The following GOLM2 variants were observed in gnomAD, a reference collection of about 807,000 sequenced individuals.
The protein encoded by GOLM2 is protein GOLM2.
A neutral mutation model predicts 55.9 loss-of-function variants in GOLM2; 26 were observed. That is an observed-to-expected ratio of 0.47 (90% CI 0.34 to 0.65). The LOEUF (loss-of-function observed/expected upper bound fraction) is 0.65, where lower values mean the gene tolerates loss of function less well. Ranked by LOEUF, GOLM2 falls within the 30% of genes least tolerant of loss-of-function variation. The pLI, the probability that GOLM2 is intolerant of heterozygous loss-of-function variation, is 0.01. For synonymous variants in GOLM2, 165 were observed against 194.6 expected (o/e 0.85, Z 1.27); for missense variants, 486 against 531.8 (o/e 0.91, Z 0.85).
At chr15:44,308,020 A>C (rs1192545658) in intron 1 of GOLM2, 1 of 152,244 alleles carries the variant, frequency 6.6e-6, no homozygotes, top group African/African-American at 2.4e-5. Context: ...GGCCAGAATA[A>C]TGATGATTAT....
chr15:44,381,203 A>C (rs1053055344), intron 8 of GOLM2, among the ~76,000 whole-genome samples: 1 of 152,208 alleles, frequency 6.6e-6, no homozygotes, highest in Non-Finnish European at 1.5e-5. Flanking sequence ...TTAAATAATA[A>C]ATTTCAGGTG....
chr15:44,333,562 G>A (rs2141142404), intron 4 of GOLM2, among the ~76,000 whole-genome samples: 1 of 152,282 alleles, frequency 6.6e-6, no homozygotes, highest in Middle Eastern at 3.4e-3. Flanking sequence ...AGCTACCATA[G>A]TAGAGGCATT....
intron 1 of GOLM2, among the ~76,000 whole-genome samples, chr15:44,292,477 T>A (rs916229548): frequency 6.6e-5 from 10 of 152,264 alleles, no homozygotes; most frequent in Admixed American, 4.6e-4. Flanking sequence ...ATTACAGGCG[T>A]GAGCCACCGC....
At chr15:44,358,101 C>T (rs945520438) in intron 6 of GOLM2, among the ~76,000 whole-genome samples, 1 of 152,202 alleles carries the variant, frequency 6.6e-6, no homozygotes, top group African/African-American at 2.4e-5. Context: ...AGCCTGTAAT[C>T]CCAGCACTTT....
At chr15:44,318,846 C>T (rs1418169726) in intron 1 of GOLM2, among the ~76,000 whole-genome samples, 1 of 152,178 alleles carries the variant, frequency 6.6e-6, no homozygotes, top group Non-Finnish European at 1.5e-5. Context: ...ACCTTTCTAG[C>T]CATATTTCTT....
At chr15:44,400,574 C>CTTTTTT (rs59386038) in intron 8 of GOLM2, among the ~76,000 whole-genome samples, 6 of 111,022 alleles carry the variant, frequency 5.4e-5, no homozygotes, top group Non-Finnish European at 1.1e-4. Flanking sequence ...GCCTTGCCGC[C>CTTTTTT]TTTTTTTTTT....
intron 4 of GOLM2, among the ~76,000 whole-genome samples, chr15:44,334,416 A>G (rs745343680): frequency 1.3e-5 from 2 of 152,224 alleles, no homozygotes; most frequent in African/African-American, 4.8e-5. Flanking sequence ...TAATTTTAAA[A>G]TTAATTAACC....
At chr15:44,363,131 G>A (rs1180101181) in intron 6 of GOLM2, among the ~76,000 whole-genome samples, 11 of 152,146 alleles carry the variant, frequency 7.2e-5, no homozygotes, top group African/African-American at 9.6e-5. Flanking sequence ...ACATAGGCAC[G>A]GGCAAGGACT....
At chr15:44,319,667 A>C (rs1381117705) in intron 1 of GOLM2, among the ~76,000 whole-genome samples, 2 of 151,762 alleles carry the variant, frequency 1.3e-5, no homozygotes, top group Non-Finnish European at 2.9e-5. Flanking sequence ...AGCTCACTGC[A>C]ACCTCAACCT....
chr15:44,340,610 C>T (rs2079084963), intron 6 of GOLM2, among the ~76,000 whole-genome samples: 1 of 152,130 alleles, frequency 6.6e-6, no homozygotes, highest in African/African-American at 2.4e-5. Context: ...GTCAGCATTA[C>T]CCAGGAACCT....
At position 44,407,562 on chromosome 15, in the gene GOLM2, C is replaced by T. The variant is rs763658566; in HGVS notation, c.1240+4508C>T. Reference sequence around the variant, plus strand: ...AAGTGTTCGGATTATAGGCATGAGCCGCTGCACCTGGCTCCTCACTGGCTT... The same window carrying T: ...AAGTGTTCGGATTATAGGCATGAGCTGCTGCACCTGGCTCCTCACTGGCTT... On this transcript the variant is annotated intron_variant, in intron 9 of 9. Transcript: ENST00000299957. Among the ~76,000 whole-genome samples, 46 of 151,826 alleles carry T rather than the reference C, an allele frequency of 3.0e-4. 1 individual carries two copies. The highest frequency in any genetic ancestry group is 4.6e-4 in the Admixed American group (7 of 15,224).
chr15:44,299,719 A>G (rs546031044), intron 1 of GOLM2, among the ~76,000 whole-genome samples: 9 of 152,130 alleles, frequency 5.9e-5, no homozygotes, highest in Non-Finnish European at 1.2e-4. Flanking sequence ...AGGATTCATG[A>G]AGTAAAATAT....
At chr15:44,375,512 C>T (rs2079358656) in intron 6 of GOLM2, among the ~76,000 whole-genome samples, 1 of 152,204 alleles carries the variant, frequency 6.6e-6, no homozygotes, top group South Asian at 2.1e-4. Context: ...CACAGTGGCT[C>T]ATGCCTATAA....
At chr15:44,293,240 T>G (rs1233302490) in intron 1 of GOLM2, among the ~76,000 whole-genome samples, 1 of 152,256 alleles carries the variant, frequency 6.6e-6, no homozygotes, top group Non-Finnish European at 1.5e-5. Flanking sequence ...GTTTTAGATC[T>G]GGAAAATTAT....
chr15:44,402,768 A>G, intron 8 of GOLM2, 119 bp from the exon 9 acceptor site: 1 of 809,538 alleles, frequency 1.2e-6, no homozygotes, highest in Non-Finnish European at 1.9e-6. Context: ...GTATCCTTTT[A>G]TATCCAGTAC....
chr15:44,408,706 C>T (rs2079613779), intron 9 of GOLM2, among the ~76,000 whole-genome samples: 1 of 152,180 alleles, frequency 6.6e-6, no homozygotes, highest in African/African-American at 2.4e-5. Context: ...GGGCCAGGCG[C>T]GGTGGTTCAC....
At chr15:44,391,378 G>C (rs1247662989) in intron 8 of GOLM2, among the ~76,000 whole-genome samples, 3 of 151,824 alleles carry the variant, frequency 2.0e-5, no homozygotes, top group Non-Finnish European at 2.9e-5. Flanking sequence ...TTAGCCGGTC[G>C]TGGTGGCGGG....
chr15:44,388,579 TA>T (rs2079464731), intron 8 of GOLM2, among the ~76,000 whole-genome samples: 1 of 151,576 alleles, frequency 6.6e-6, no homozygotes. Flanking sequence ...GTGGCTGAGT[TA>T]GCAGGATTCT....
chr15:44,314,495 G>A (rs1168251939), intron 1 of GOLM2, among the ~76,000 whole-genome samples: 1 of 150,198 alleles, frequency 6.7e-6, no homozygotes, highest in Non-Finnish European at 1.5e-5. Context: ...GGAGGCGGAG[G>A]TTGCAGTGAG....
Sources: allele counts gnomAD v4.1 joint callset (sites outside exome capture counted in the v4.1 genomes callset), GRCh38; gene constraint gnomAD v4.1.1; transcripts MANE v1.5; gene names NCBI Gene and HGNC (gene_info 2026-07-23, HGNC 2026-07-21).